Variants in PDE1A observed in about 807,000 individuals in gnomAD.
PDE1A encodes phosphodiesterase 1A.
PDE1A carries 35 observed loss-of-function variants against 61.7 expected under a neutral mutation model. The observed-to-expected ratio is 0.57, with a 90% confidence interval of 0.43 to 0.75. The LOEUF is 0.75. PDE1A is among the 30% of genes least tolerant of loss of function. The pLI, the probability that PDE1A is intolerant of heterozygous loss-of-function variation, is 0.00. For missense variants in PDE1A, 597 were observed against 630.6 expected (o/e 0.95, Z 0.57); for synonymous variants, 232 against 213.2 (o/e 1.09, Z -0.77).
At chr2:182,145,636 G>C (rs979247659), downstream of PDE1A, among the ~76,000 whole-genome samples, 5 of 152,136 alleles carry the variant, frequency 3.3e-5, no homozygotes, top group African/African-American at 4.8e-5. Context: ...GGCTGAGGCA[G>C]GAGGATTGCT....
At chr2:182,370,314 C>G (rs537889531) in intron 1 of PDE1A, among the ~76,000 whole-genome samples, 1 of 152,016 alleles carries the variant, frequency 6.6e-6, no homozygotes, top group Non-Finnish European at 1.5e-5. Flanking sequence ...ATTAATAGGT[C>G]GCATGCCTAA....
chr2:182,313,515 T>C (rs1347829635), intron 1 of PDE1A, among the ~76,000 whole-genome samples: 1 of 152,258 alleles, frequency 6.6e-6, no homozygotes, highest in East Asian at 1.9e-4. Context: ...TTTCTTTTTC[T>C]GGTATTGTTG....
the PDE1A span, among the ~76,000 whole-genome samples, chr2:182,577,256 C>T: frequency 1.5e-4 from 23 of 152,312 alleles, no homozygotes; most frequent in African/African-American, 5.5e-4. Flanking sequence ...AAATTCAGTT[C>T]CATCTGACAT....
At chr2:182,642,295 T>C in the PDE1A span, among the ~76,000 whole-genome samples, 42 of 152,340 alleles carry the variant, frequency 2.8e-4, no homozygotes, top group Non-Finnish European at 3.1e-4. Flanking sequence ...TCATAAAAGA[T>C]AAATCTCCTG....
At chr2:182,331,882 T>G (rs1490165965) in intron 1 of PDE1A, among the ~76,000 whole-genome samples, 1 of 152,226 alleles carries the variant, frequency 6.6e-6, no homozygotes, top group Non-Finnish European at 1.5e-5. Context: ...TTCCTGAATT[T>G]GAATGTTGGC....
the PDE1A span, among the ~76,000 whole-genome samples, chr2:182,624,027 A>G: frequency 6.7e-6 from 1 of 150,194 alleles, no homozygotes; most frequent in East Asian, 2.0e-4. Flanking sequence ...CGGGAGGCTG[A>G]GGCAGGAGAA....
At chr2:182,230,917 C>A in intron 5 of PDE1A, 98 bp downstream of exon 5, 1 of 689,490 alleles carries the variant, frequency 1.5e-6, no homozygotes, top group Admixed American at 2.4e-5. Flanking sequence ...CTAAAACATC[C>A]TAAAATGAAT....
intron 2 of PDE1A, among the ~76,000 whole-genome samples, chr2:182,441,381 G>C (rs541044030): frequency 6.6e-6 from 1 of 151,872 alleles, no homozygotes; most frequent in Non-Finnish European, 1.5e-5. Flanking sequence ...CTATTTATTT[G>C]AGCAAAAGAA....
chr2:182,620,935 A>C, the PDE1A span, among the ~76,000 whole-genome samples: 1 of 152,128 alleles, frequency 6.6e-6, no homozygotes, highest in Non-Finnish European at 1.5e-5. Flanking sequence ...GCTGTCCACC[A>C]GCCCATCCAA....
chr2:182,152,771 T>G (rs6761344), intron 13 of PDE1A, among the ~76,000 whole-genome samples: 4,073 of 152,204 alleles, frequency 0.027, 186 homozygotes, highest in African/African-American at 0.094. Flanking sequence ...CAGTTGTATG[T>G]GTTCGTTTAC....
In PDE1A at chr2:182,395,225, T is replaced by C. The variant is rs79340864; in HGVS notation, c.53+31353A>G. Among the ~76,000 whole-genome samples, 602 of 152,366 alleles carry C rather than the reference T, an allele frequency of 4.0e-3. 6 individuals carry two copies. The East Asian group carries it at 0.047, about 12-fold the overall frequency. The stretch of plus-strand genomic sequence containing the variant: ...GCTGGCAAGACCAGCAGTATACCTT[T>C]ACTTTCCTACCTCAGGGGTATGTCA... On this transcript the variant is annotated intron_variant, in intron 1 of 13. Transcript: ENST00000351439.
intron 2 of PDE1A, among the ~76,000 whole-genome samples, chr2:182,432,564 C>T (rs1008628308): frequency 5.9e-5 from 9 of 152,006 alleles, no homozygotes; most frequent in Non-Finnish European, 1.3e-4. Flanking sequence ...AAGATGCTCA[C>T]TGGTTATTTG....
At chr2:182,392,675 T>C (rs1701487424) in intron 1 of PDE1A, among the ~76,000 whole-genome samples, 1 of 152,236 alleles carries the variant, frequency 6.6e-6, no homozygotes, top group Non-Finnish European at 1.5e-5. Flanking sequence ...CTAGATATAA[T>C]GAGGGCACAG....
chr2:182,693,637 C>CTTTTTTTTTTTTTTTTTTTT, the PDE1A span, among the ~76,000 whole-genome samples: 1 of 123,428 alleles, frequency 8.1e-6, no homozygotes, highest in Non-Finnish European at 1.7e-5. Flanking sequence ...TGATAGTGTT[C>CTTTTTTTTTTTTTTTTTTTT]TTTTTTTTTT....
chr2:182,238,223 C>G (rs556790628), intron 3 of PDE1A, among the ~76,000 whole-genome samples: 18 of 146,826 alleles, frequency 1.2e-4, no homozygotes, highest in Admixed American at 5.5e-4. Flanking sequence ...GAGCCGAGAT[C>G]GCGCCACTGC....
At chr2:182,277,550 T>C (rs1574230998) in intron 1 of PDE1A, among the ~76,000 whole-genome samples, 1 of 152,082 alleles carries the variant, frequency 6.6e-6, no homozygotes, top group East Asian at 1.9e-4. Flanking sequence ...TGTAAGTTCA[T>C]ATCTGCCCCT....
At chr2:182,521,900 A>C (rs1216382384) in intron 2 of PDE1A, among the ~76,000 whole-genome samples, 2 of 152,196 alleles carry the variant, frequency 1.3e-5, no homozygotes, top group African/African-American at 4.8e-5. Context: ...CAGAGAAAGA[A>C]GTATCAGTCT....
chr2:182,506,488 ACAATTTATTC>A (rs1425120262), intron 2 of PDE1A, among the ~76,000 whole-genome samples: 17 of 152,198 alleles, frequency 1.1e-4, no homozygotes, highest in African/African-American at 3.6e-4. Context: ...TCTGGTTTCC[ACAATTTATTC>A]TCATTACTAT....
the PDE1A span, among the ~76,000 whole-genome samples, chr2:182,693,590 AT>A: frequency 7.9e-6 from 1 of 126,342 alleles, no homozygotes; most frequent in African/African-American, 3.0e-5. Flanking sequence ...TTTTTCAAGT[AT>A]TTTTTTCTTT....
Sources: allele counts gnomAD v4.1 joint callset (sites outside exome capture counted in the v4.1 genomes callset), GRCh38; gene constraint gnomAD v4.1.1; transcripts MANE v1.5; gene names NCBI Gene and HGNC (gene_info 2026-07-23, HGNC 2026-07-21).